USP9X: variants seen among roughly 807,000 people sequenced by gnomAD.
USP9X encodes the protein ubiquitin carboxyl-terminal hydrolase 9X.
In USP9X, 7 loss-of-function variants were observed where a neutral mutation model predicts 190.3. The ratio of observed to expected loss-of-function variants is 0.04; its 90% CI spans 0.02 to 0.07. The LOEUF (loss-of-function observed/expected upper bound fraction) is 0.07. USP9X is among the 10% of genes least tolerant of loss of function. USP9X has a pLI of 1.00. For missense variants in USP9X, 1,010 were observed against 1,916.9 expected, an observed-to-expected ratio of 0.53 and a Z score of 8.83; for synonymous variants, 645 against 659.5, an observed-to-expected ratio of 0.98 and a Z score of 0.34.
At chrX:41,115,611 A>G (rs2062142849) in intron 1 of USP9X, among the ~76,000 whole-genome samples, 1 of 112,118 alleles carries the variant, frequency 8.9e-6, no homozygotes, top group Non-Finnish European at 1.9e-5. Context: ...TATTGTCTCT[A>G]TCCCCAGTCT....
intron 1 of USP9X, among the ~76,000 whole-genome samples, chrX:41,089,817 CTT>C (rs1158340115): frequency 9.4e-6 from 1 of 106,818 alleles, no homozygotes; most frequent in Non-Finnish European, 1.9e-5. Flanking sequence ...GTTTCTGTCT[CTT>C]AATCCCCTTG....
At chrX:41,174,963 G>A (rs1358901563) in intron 21 of USP9X, among the ~76,000 whole-genome samples, 1 of 111,060 alleles carries the variant, frequency 9.0e-6, no homozygotes, top group East Asian at 2.9e-4. Context: ...CAGCCTGGGC[G>A]ACAGCGAGAT....
intron 4 of USP9X, among the ~76,000 whole-genome samples, chrX:41,132,942 G>A (rs1003609344): frequency 9.0e-6 from 1 of 111,344 alleles, no homozygotes; most frequent in African/African-American, 3.3e-5. Flanking sequence ...AGGTGCAGTT[G>A]AATTATCTAA....
intron 2 of USP9X, among the ~76,000 whole-genome samples, chrX:41,128,376 G>A (rs1011979553): frequency 1.8e-5 from 2 of 108,930 alleles, no homozygotes; most frequent in African/African-American, 6.7e-5. Flanking sequence ...TAGAATTTGA[G>A]CTGTGTGATC....
chrX:41,216,707 G>A lies in USP9X; in HGVS notation c.6085+55G>A, dbSNP rs4827052. ...TAATAAAGAATAATTTATAGTAGGC[G>A]TCAACATGTTTAAGTTCATAAAATT... On this transcript the variant is annotated intron_variant, in intron 35 of 44. Transcript: ENST00000378308. 12,310 of 1,097,518 alleles carry A rather than the reference G, an allele frequency of 0.011. 715 individuals are homozygous for A. The East Asian group carries it at 0.17, about 15-fold the overall frequency. The allele number at this position is 1,097,518 out of a possible 1,213,427, so 90.4% of individuals were successfully genotyped here. A position where few individuals can be genotyped will look rare whatever the true frequency, so the allele number is the denominator to read the frequency against.
intron 14 of USP9X, among the ~76,000 whole-genome samples, chrX:41,160,964 G>C (rs1388551312): frequency 3.6e-5 from 4 of 111,132 alleles, no homozygotes; most frequent in African/African-American, 1.3e-4. Context: ...ATTTGACAGT[G>C]TCTGGAGCTG....
rs999546399 is a variant in USP9X, at chrX:41,133,220, G to A, written c.323-1505G>A. Among the ~76,000 whole-genome samples the A allele has an allele frequency of 3.6e-5, 4 of 111,841 alleles. No individual in the cohort carries two copies. The South Asian group carries it at 1.5e-3, about 41-fold the overall frequency. ...GTCCTTATGCCTCATTAATCTTGTA[G>A]AAATAATATCCCAAAGTGAAAATAC... On this transcript the variant is annotated intron_variant, in intron 4 of 44. Coordinates refer to ENST00000378308, the MANE Select transcript of USP9X (RefSeq NM_001039591.3).
chrX:41,191,004 ACATTAATTATTGG>A (rs1164956432), intron 26 of USP9X, among the ~76,000 whole-genome samples: 1 of 111,496 alleles, frequency 9.0e-6, no homozygotes, highest in African/African-American at 3.3e-5. Flanking sequence ...TCCGACTTGG[ACATTAATTATTGG>A]CATTAATATT....
chrX:41,100,555 G>A lies in USP9X; in HGVS notation c.-159+14446G>A, dbSNP rs1404751098. On this transcript the variant is annotated intron_variant, in intron 1 of 44. Transcript: ENST00000378308. Reference sequence around the variant, plus strand: ...CCTTGTTAATTTTGCCTCCTGTCTTGCATTTCCAACGGCACACAAGTATTA... The same window carrying A: ...CCTTGTTAATTTTGCCTCCTGTCTTACATTTCCAACGGCACACAAGTATTA... Among the ~76,000 whole-genome samples the A allele has an allele frequency of 3.6e-5, 4 of 111,667 alleles. 1 individual carries two copies.
At chrX:41,205,594 T>C (rs1161155784) in intron 32 of USP9X, 101 bp downstream of exon 32, 1 of 790,664 alleles carries the variant, frequency 1.3e-6, no homozygotes, top group Non-Finnish European at 1.7e-6. Context: ...CATCTTTTTT[T>C]AAGCACTGGT....
chrX:41,188,173 T>C (rs1280711721), intron 25 of USP9X, 56 bp downstream of exon 25: 4 of 1,083,603 alleles, frequency 3.7e-6, no homozygotes, highest in Non-Finnish European at 4.9e-6. Flanking sequence ...TAATTGTGCA[T>C]GTGGTTTGAT....
intron 33 of USP9X, among the ~76,000 whole-genome samples, chrX:41,213,132 A>G (rs1160899749): frequency 9.0e-6 from 1 of 111,217 alleles, no homozygotes; most frequent in African/African-American, 3.3e-5. Context: ...CAGCTAAACT[A>G]GTCTTATTTT....
rs144072040 is a variant in USP9X at position 41,149,518 on chromosome X, A to G, written c.1626+943A>G. On this transcript the variant is annotated intron_variant, in intron 12 of 44. Coordinates refer to ENST00000378308, the MANE Select transcript of USP9X (RefSeq NM_001039591.3). ...GTCACCTTTTCCCTTCTGCTTGCCAAAACTGTTGTCAAAGTGTACATTTGA... is the reference window on the plus strand; with the variant it reads ...GTCACCTTTTCCCTTCTGCTTGCCAGAACTGTTGTCAAAGTGTACATTTGA... Among the ~76,000 whole-genome samples the G allele has an allele frequency of 1.7e-4, 19 of 109,344 alleles. No individual in the cohort carries two copies. In the South Asian group the frequency reaches 4.4e-3, roughly 25 times the overall value. 95.0% of individuals were successfully genotyped at this position (109,344 alleles called of 115,157 possible).
intron 4 of USP9X, 53 bp from the exon 5 acceptor site, chrX:41,134,672 A>G: frequency 9.2e-7 from 1 of 1,083,003 alleles, no homozygotes; most frequent in Non-Finnish European, 1.3e-6. Context: ...GGACAATGTA[A>G]AAACAACCAG....
chrX:41,108,170 C>G (rs762077936), intron 1 of USP9X, among the ~76,000 whole-genome samples: 1 of 111,927 alleles, frequency 8.9e-6, no homozygotes, highest in Non-Finnish European at 1.9e-5. Flanking sequence ...ATTTTAGTGC[C>G]TACCCCTCAG....
intron 21 of USP9X, among the ~76,000 whole-genome samples, chrX:41,177,306 G>A (rs1411342793): frequency 1.8e-5 from 2 of 111,949 alleles, no homozygotes; most frequent in African/African-American, 3.2e-5. Flanking sequence ...ATAATTATTC[G>A]GTATCTCTTT....
At chrX:41,142,694 T>G (rs1265154622) in intron 9 of USP9X, among the ~76,000 whole-genome samples, 2 of 111,658 alleles carry the variant, frequency 1.8e-5, no homozygotes, top group Non-Finnish European at 3.8e-5. Context: ...TTGCTATAGA[T>G]TAAATGAATG....
chrX:41,178,084 CTTTTTTTT>C (rs758055868), intron 21 of USP9X, among the ~76,000 whole-genome samples: 3 of 34,294 alleles, frequency 8.7e-5, no homozygotes, highest in African/African-American at 3.9e-4. Flanking sequence ...AGGTTTAAAT[CTTTTTTTT>C]TTTTTTTTTT....
chrX:41,203,778 A>G (rs1024280774), intron 31 of USP9X, among the ~76,000 whole-genome samples: 2 of 110,738 alleles, frequency 1.8e-5, no homozygotes, highest in Non-Finnish European at 3.8e-5. Context: ...GCTCACTGCA[A>G]CCTCTGCCTC....
Sources: allele counts gnomAD v4.1 joint callset (sites outside exome capture counted in the v4.1 genomes callset), GRCh38; gene constraint gnomAD v4.1.1; transcripts MANE v1.5; gene names NCBI Gene and HGNC (gene_info 2026-07-23, HGNC 2026-07-21).